The following SLC17A6 variants were observed in gnomAD, a reference collection of about 807,000 sequenced individuals.
The protein encoded by SLC17A6 is vesicular glutamate transporter 2.
SLC17A6 carries 35 observed loss-of-function variants against 67.1 expected under a neutral mutation model. That is an observed-to-expected ratio of 0.52 (90% CI 0.40 to 0.69). SLC17A6 has a LOEUF of 0.69. Ranked by LOEUF, SLC17A6 falls within the 30% of genes least tolerant of loss-of-function variation. The pLI, the probability that SLC17A6 is intolerant of heterozygous loss-of-function variation, is 0.00. For missense variants in SLC17A6, 588 were observed against 723.9 expected, an observed-to-expected ratio of 0.81 and a Z score of 2.15; for synonymous variants, 285 against 252.3, an observed-to-expected ratio of 1.13 and a Z score of -1.23.
intron 3 of SLC17A6, among the ~76,000 whole-genome samples, chr11:22,357,242 C>A (rs1011524800): frequency 1.6e-4 from 25 of 152,200 alleles, no homozygotes; most frequent in Admixed American, 1.6e-3. Context: ...ATGAATAATA[C>A]CCATGTCTCT....
At chr11:22,374,690 G>C in intron 8 of SLC17A6, 65 bp from the exon 9 acceptor site, 1 of 1,322,756 alleles carries the variant, frequency 7.6e-7, no homozygotes, top group Non-Finnish European at 1.0e-6. Context: ...CAGAAACAAA[G>C]GCCATTAAAT....
chr11:22,345,201 C>A (rs763775361), intron 3 of SLC17A6, among the ~76,000 whole-genome samples: 1 of 148,868 alleles, frequency 6.7e-6, no homozygotes, highest in South Asian at 2.1e-4. Context: ...CGGGTTTTTC[C>A]GATTATTTAA....
At position 22,378,360 on chromosome 11, in the gene SLC17A6, T is replaced by C. The variant is rs1169317134; in HGVS notation, c.*620T>C. 2 of 152,694 alleles carry C rather than the reference T, an allele frequency of 1.3e-5. No individual in the cohort carries two copies. The highest frequency in any genetic ancestry group is 2.9e-5 in the Non-Finnish European group (2 of 68,060). The allele number at this position is 152,694 out of a possible 1,614,324, so 9.5% of individuals were successfully genotyped here. A position where few individuals can be genotyped will look rare whatever the true frequency, so the allele number is the denominator to read the frequency against. ...ATGCTTGGGCACAAACACTTATTTC[T>C]GTGAAAGAGAACATGTAAGTTGAGG... On this transcript the variant is annotated 3_prime_UTR_variant, in exon 12 of 12. Coordinates refer to ENST00000263160, the MANE Select transcript of SLC17A6 (RefSeq NM_020346.3).
At chr11:22,354,375 C>A (rs538088940) in intron 3 of SLC17A6, among the ~76,000 whole-genome samples, 1 of 152,192 alleles carries the variant, frequency 6.6e-6, no homozygotes, top group Non-Finnish European at 1.5e-5. Flanking sequence ...TGAGCCACCG[C>A]GCCCGGCAAT....
chr11:22,341,647 G>A lies in SLC17A6; in HGVS notation c.206G>A (p.Arg69His), dbSNP rs1331584658. 4.3e-6 allele frequency: 7 copies of A among 1,614,036 alleles called. No homozygotes were observed. The highest frequency in any genetic ancestry group is 5.9e-6 in the Non-Finnish European group (7 of 1,180,040). Reference sequence around the variant, plus strand: ...GACTGCACGTGCTTCGGCCTGCCCCGCCGCTACATTATCGCCATCATGAGC... The same window carrying A: ...GACTGCACGTGCTTCGGCCTGCCCCACCGCTACATTATCGCCATCATGAGC... ...LCDCTCFGLP[R>H]RYIIAIMSGL... Residue 69 changes from arginine to histidine, a missense_variant, in exon 2 of 12, where the codon CGC (arginine) becomes CAC (histidine). By Grantham distance (29) the Arg-to-His change is conservative. Around this residue, in one of 4 missense-constraint regions of SLC17A6, gnomAD observed 117 missense variants for 98.7 expected, o/e 1.19. Transcript: ENST00000263160.
chr11:22,360,817 G>C, intron 4 of SLC17A6, 80 bp from the exon 5 acceptor site: 1 of 1,181,966 alleles, frequency 8.5e-7, no homozygotes, highest in South Asian at 1.4e-5. Context: ...AGTCTGAAGG[G>C]CAGGGAGGAT....
chr11:22,374,859 G>A lies in SLC17A6; in HGVS notation c.1146G>A (p.Thr382=), dbSNP rs117003321. ...FLRSKQILST[T]TVRKIMNCGG... is the part of the protein sequence containing the mutation. ...GAAGCAAGCAGATTCTTTCAACTAC[G>A]ACAGTGAGAAAGATCATGAATTGTG... Residue 382 remains threonine, a synonymous_variant, in exon 9 of 12, where the codon ACG becomes ACA. Transcript: ENST00000263160. The A allele has an allele frequency of 1.1e-4, 177 of 1,613,350 alleles. 2 individuals are homozygous for A. The highest frequency in any genetic ancestry group is 4.1e-4 in the South Asian group (37 of 90,926).
At chr11:22,372,805 T>C (rs1053714646) in intron 8 of SLC17A6, among the ~76,000 whole-genome samples, 2 of 152,154 alleles carry the variant, frequency 1.3e-5, no homozygotes, top group East Asian at 1.9e-4. Context: ...GTGATTGACA[T>C]GAATGATCTT....
chr11:22,364,027 T>G (rs1386735194), intron 6 of SLC17A6, among the ~76,000 whole-genome samples: 1 of 152,164 alleles, frequency 6.6e-6, no homozygotes, highest in East Asian at 1.9e-4. Context: ...ACCAATATCA[T>G]TATTTCAAGT....
At chr11:22,343,198 G>A (rs2246710) in intron 2 of SLC17A6, 49 bp from the exon 3 acceptor site, 308,744 of 1,471,554 alleles carry the variant, frequency 0.21, 34,324 homozygotes, top group Non-Finnish European at 0.23. Flanking sequence ...TGAGCCTTTG[G>A]TACTGACTCT....
At chr11:22,356,674 A>G (rs1399333751) in intron 3 of SLC17A6, among the ~76,000 whole-genome samples, 1 of 152,182 alleles carries the variant, frequency 6.6e-6, no homozygotes, top group East Asian at 1.9e-4. Flanking sequence ...GTGTATACTA[A>G]AAATACAAAA....
chr11:22,339,179 TTTTATATATATA>T (rs1855782053), intron 1 of SLC17A6, among the ~76,000 whole-genome samples: 6 of 51,846 alleles, frequency 1.2e-4, no homozygotes, highest in African/African-American at 1.8e-4. Context: ...TATATATATG[TTTTATATATATA>T]TATATATATA....
At chr11:22,364,517 A>G (rs1324377914) in intron 6 of SLC17A6, among the ~76,000 whole-genome samples, 1 of 152,156 alleles carries the variant, frequency 6.6e-6, no homozygotes, top group East Asian at 1.9e-4. Context: ...TGTAAACACT[A>G]TATTATTCTG....
At chr11:22,342,636 C>A (rs1272680152) in intron 2 of SLC17A6, among the ~76,000 whole-genome samples, 1 of 152,158 alleles carries the variant, frequency 6.6e-6, no homozygotes, top group African/African-American at 2.4e-5. Context: ...AATACCCCTG[C>A]CCCGTATTTA....
rs1180384371 is a variant in SLC17A6, at chr11:22,365,600, C to T, written c.802C>T (p.Pro268Ser). ...TTGGCTTTTGGTGTCTTATGAAAGT[C>T]CTGCAAAGCATCCTACTATTACAGA... is the stretch of plus-strand genomic sequence containing the variant. Reference protein sequence around the residue: ...MFWLLVSYESPAKHPTITDEE... With the variant: ...MFWLLVSYESSAKHPTITDEE... The change falls in exon 7 of 12, where the codon CCT becomes TCT. Residue 268 changes from proline to serine, a missense_variant. Physicochemically the swap from Pro to Ser is moderately conservative, Grantham distance 74. This residue lies in a region of SLC17A6 where 414 missense variants were observed against 563.4 expected (regional missense o/e 0.73). Transcript: ENST00000263160. 3 of 1,613,904 alleles carry T rather than the reference C, an allele frequency of 1.9e-6. 1 individual carries two copies. The Admixed American group carries it at 5.0e-5, about 27-fold the overall frequency.
In SLC17A6 at chr11:22,377,702, G is replaced by T. The variant is rs371896528; in HGVS notation, c.1711G>T (p.Asp571Tyr). Residue 571 changes from aspartate (D) to tyrosine (Y), a missense_variant, in exon 12 of 12, where the codon GAC becomes TAC. By Grantham distance (160) the Asp-to-Tyr change is radical. This residue lies in a region of SLC17A6 where 414 missense variants were observed against 563.4 expected (regional missense o/e 0.73). Transcript: ENST00000263160. ...GGAATTTGTACAAGGAGAAGTACAA[G>T]ACTCACATAGCTATAAGGACCGAGT... ...KEEFVQGEVQ[D>Y]SHSYKDRVDY... The T allele has an allele frequency of 1.2e-6, 2 of 1,606,554 alleles. No individual in the cohort carries two copies. Among genetic ancestry groups the T allele is most frequent in the Non-Finnish European group, 1.7e-6 (2 of 1,177,034 alleles).
At position 22,342,584 on chromosome 11, in the gene SLC17A6, G is replaced by A. The variant is rs114677620; in HGVS notation, c.340-663G>A. 7.6e-3 allele frequency among the ~76,000 whole-genome samples: 1,158 copies of A among 152,280 alleles called. 18 individuals are homozygous for A. Among genetic ancestry groups the A allele is most frequent in the African/African-American group, 0.027 (1,111 of 41,556 alleles). ...TTTACCTTGAGGTTCCCCTCGGGGAGTCACCCAGGCTGCTCAGGGCGGAAT... is the reference window on the plus strand; with the variant it reads ...TTTACCTTGAGGTTCCCCTCGGGGAATCACCCAGGCTGCTCAGGGCGGAAT... On this transcript the variant is annotated intron_variant, in intron 2 of 11. Transcript: ENST00000263160.
At chr11:22,371,878 G>A (rs1251765950) in intron 8 of SLC17A6, among the ~76,000 whole-genome samples, 2 of 152,022 alleles carry the variant, frequency 1.3e-5, no homozygotes, top group East Asian at 3.9e-4. Context: ...TATAGGAGAT[G>A]ATGGAGAACA....
chr11:22,361,076 C>A, intron 5 of SLC17A6, 92 bp downstream of exon 5: 1 of 991,710 alleles, frequency 1.0e-6, no homozygotes, highest in Non-Finnish European at 1.5e-6. Context: ...ACCTGTAAAA[C>A]CATCTGGGTT....
Sources: allele counts gnomAD v4.1 joint callset (sites outside exome capture counted in the v4.1 genomes callset), GRCh38; gene constraint gnomAD v4.1.1; regional missense constraint gnomAD v4.1.1; transcripts MANE v1.5; gene names NCBI Gene and HGNC (gene_info 2026-07-23, HGNC 2026-07-21).